The following FRMD4B variants were observed in gnomAD, a reference collection of about 807,000 sequenced individuals.
The protein encoded by FRMD4B is FERM domain containing 4B.
FRMD4B carries 74 observed loss-of-function variants against 141.5 expected under a neutral mutation model. The ratio of observed to expected loss-of-function variants is 0.52; its 90% confidence interval spans 0.43 to 0.63. The LOEUF (loss-of-function observed/expected upper bound fraction) is 0.63, where lower values mean the gene tolerates loss of function less well. Among genes scored for constraint, FRMD4B ranks in the 30% least tolerant of loss-of-function variants. The pLI is 0.00. For missense variants in FRMD4B, 1,366 were observed against 1,253.4 expected (o/e 1.09, Z -1.36); for synonymous variants, 506 against 467.9 (o/e 1.08, Z -1.05).
chr3:69,313,507 C>T lies in FRMD4B; in HGVS notation c.173G>A (p.Gly58Asp), dbSNP rs1032237810. The T allele has an allele frequency of 1.9e-6, 3 of 1,568,420 alleles. No homozygotes were observed. Among genetic ancestry groups the T allele is most frequent in the Non-Finnish European group, 1.7e-6 (2 of 1,155,276 alleles). The change falls in exon 2 of 23, where the codon GGC becomes GAC. Residue 58 changes from glycine (G) to aspartate (D), a missense_variant. Transcript: ENST00000398540. ...GLQDVYQMTE[G>D]RHCQVHLLDD... ...CAGGAGGTGCACCTGGCAGTGCCTG[C>T]CTTCTGTCATCTGCAGGAACAAGAC... is the stretch of plus-strand genomic sequence containing the variant.
At chr3:69,456,751 G>C (rs1322136785) in intron 1 of FRMD4B, among the ~76,000 whole-genome samples, 1 of 139,950 alleles carries the variant, frequency 7.1e-6, no homozygotes, top group South Asian at 2.2e-4. Context: ...AAAAAAAAAA[G>C]CATATGTCTG....
chr3:69,193,006 A>G (rs1218306678), intron 17 of FRMD4B, among the ~76,000 whole-genome samples: 5 of 151,874 alleles, frequency 3.3e-5, no homozygotes, highest in Non-Finnish European at 7.4e-5. Context: ...TTTTTTGAAG[A>G]GACGGGGTTT....
intron 1 of FRMD4B, among the ~76,000 whole-genome samples, chr3:69,509,542 T>A (rs947195839): frequency 8.5e-5 from 13 of 152,122 alleles, no homozygotes; most frequent in African/African-American, 1.4e-4. Flanking sequence ...TAAAGAAGCA[T>A]TTGATGAAAG....
chr3:69,434,877 C>T (rs761267005), intron 1 of FRMD4B, among the ~76,000 whole-genome samples: 3 of 152,164 alleles, frequency 2.0e-5, no homozygotes, highest in Non-Finnish European at 2.9e-5. Context: ...TGTATGTTCT[C>T]ACATTTCTGA....
At chr3:69,465,875 A>G (rs551031374) in intron 1 of FRMD4B, among the ~76,000 whole-genome samples, 1 of 152,302 alleles carries the variant, frequency 6.6e-6, no homozygotes, top group East Asian at 1.9e-4. Context: ...TCTTTATAGG[A>G]GCATGATTTA....
rs62254461 is a variant in FRMD4B at position 69,221,881 on chromosome 3, G to A, written c.708C>T (p.Leu236=). The change falls in exon 9 of 23, where the codon CTC becomes CTT. Residue 236 remains leucine, a synonymous_variant. Coordinates refer to ENST00000398540, the MANE Select transcript of FRMD4B (RefSeq NM_015123.3). ...VIEHYLKIKG[L]TRGQAVVQYM... ...ACTGAACCACAGCTTGACCTCGAGTGAGACCTTTGATTTTCAAATAATGCT... is the reference window on the plus strand; with the variant it reads ...ACTGAACCACAGCTTGACCTCGAGTAAGACCTTTGATTTTCAAATAATGCT... 0.096 allele frequency: 150,977 copies of A among 1,566,174 alleles called. 8,387 individuals are homozygous for A. The highest frequency in any genetic ancestry group is 0.11 in the Non-Finnish European group (124,587 of 1,141,694).
chr3:69,445,050 G>C (rs920879059), intron 1 of FRMD4B, among the ~76,000 whole-genome samples: 2 of 152,100 alleles, frequency 1.3e-5, no homozygotes, highest in Admixed American at 6.5e-5. Context: ...AAAAAGTCTC[G>C]CAAAGCAAAA....
chr3:69,353,083 T>C (rs1703202084), intron 1 of FRMD4B, among the ~76,000 whole-genome samples: 1 of 96,482 alleles, frequency 1.0e-5, no homozygotes, highest in Non-Finnish European at 2.4e-5. Flanking sequence ...AACTCCAGTA[T>C]TTAAAATTTA....
At chr3:69,277,825 C>T (rs145484386) in intron 5 of FRMD4B, among the ~76,000 whole-genome samples, 498 of 138,630 alleles carry the variant, frequency 3.6e-3, no homozygotes, top group African/African-American at 0.013. Context: ...CCACAGCGCC[C>T]GTCCATTGAA....
At chr3:69,229,951 A>T (rs940235797) in intron 7 of FRMD4B, among the ~76,000 whole-genome samples, 18 of 151,372 alleles carry the variant, frequency 1.2e-4, no homozygotes, top group African/African-American at 4.4e-4. Context: ...TGATCAAGAG[A>T]TAGACCGCAC....
intron 5 of FRMD4B, among the ~76,000 whole-genome samples, chr3:69,281,190 T>A (rs2093642994): frequency 3.3e-5 from 5 of 151,896 alleles, no homozygotes; most frequent in Admixed American, 3.3e-4. Context: ...CACCTCAGCC[T>A]CCCAAAAGTG....
intron 1 of FRMD4B, among the ~76,000 whole-genome samples, chr3:69,489,152 T>C (rs1478258199): frequency 6.6e-6 from 1 of 151,604 alleles, no homozygotes; most frequent in Non-Finnish European, 1.5e-5. Flanking sequence ...AAAAGAAACT[T>C]ATATCCAGAA....
chr3:69,459,101 A>G (rs1705667984), intron 1 of FRMD4B, among the ~76,000 whole-genome samples: 3 of 152,056 alleles, frequency 2.0e-5, no homozygotes, highest in Non-Finnish European at 4.4e-5. Flanking sequence ...CAATAAATAC[A>G]CCGTTGGTAC....
intron 1 of FRMD4B, among the ~76,000 whole-genome samples, chr3:69,470,626 T>C (rs1363158061): frequency 3.3e-5 from 5 of 152,176 alleles, no homozygotes; most frequent in Non-Finnish European, 7.4e-5. Context: ...GCAATGGCCA[T>C]AGGTAAATTA....
chr3:69,470,542 G>T (rs1705870044), intron 1 of FRMD4B, among the ~76,000 whole-genome samples: 1 of 152,118 alleles, frequency 6.6e-6, no homozygotes, highest in Non-Finnish European at 1.5e-5. Flanking sequence ...AAAGAAGAAA[G>T]TTACTTGTGG....
intron 1 of FRMD4B, among the ~76,000 whole-genome samples, chr3:69,474,601 C>G (rs1179219358): frequency 1.3e-5 from 2 of 152,148 alleles, no homozygotes; most frequent in Admixed American, 1.3e-4. Context: ...TATATTATTA[C>G]AACAGCAAAT....
At chr3:69,484,611 T>A (rs1229414352) in intron 1 of FRMD4B, among the ~76,000 whole-genome samples, 12 of 152,112 alleles carry the variant, frequency 7.9e-5, no homozygotes, top group Admixed American at 7.9e-4. Context: ...GAGGAGTCCC[T>A]GGAGAGGGTT....
At chr3:69,359,448 A>G (rs1703413420) in intron 1 of FRMD4B, among the ~76,000 whole-genome samples, 1 of 152,228 alleles carries the variant, frequency 6.6e-6, no homozygotes, top group Non-Finnish European at 1.5e-5. Context: ...ATTAATTCAT[A>G]ATTTAGTACA....
chr3:69,292,871 A>G, intron 4 of FRMD4B: 1 of 154,384 alleles, frequency 6.5e-6, no homozygotes, highest in Non-Finnish European at 1.3e-5. Context: ...GCTTACTGTG[A>G]GCGATTTCAC....
Sources: allele counts gnomAD v4.1 joint callset (sites outside exome capture counted in the v4.1 genomes callset), GRCh38; gene constraint gnomAD v4.1.1; transcripts MANE v1.5; gene names NCBI Gene and HGNC (gene_info 2026-07-23, HGNC 2026-07-21).